Variants in MKRN1 observed in about 807,000 individuals in gnomAD.
MKRN1 encodes the protein makorin ring finger protein 1, also known as E3 ubiquitin-protein ligase makorin-1.
Under a neutral mutation model 55.5 loss-of-function variants are expected in MKRN1, and 9 were observed. The observed-to-expected ratio is 0.16, with a 90% CI of 0.10 to 0.28. The LOEUF (loss-of-function observed/expected upper bound fraction) is 0.28, where lower values mean the gene tolerates loss of function less well. Ranked by LOEUF, MKRN1 falls within the 10% of genes least tolerant of loss-of-function variation. The pLI is 1.00. For synonymous variants in MKRN1, 253 were observed against 235.9 expected, an observed-to-expected ratio of 1.07 and a Z score of -0.66; for missense variants, 488 against 626.7, an observed-to-expected ratio of 0.78 and a Z score of 2.36.
At chr7:140,455,634 T>C (rs917388069) in intron 6 of MKRN1, 156 bp downstream of exon 6, 4 of 632,418 alleles carry the variant, frequency 6.3e-6, no homozygotes, top group Non-Finnish European at 1.1e-5. Context: ...TAGCAAGATA[T>C]ATACTGGATG....
At chr7:140,460,826 A>C (rs1794597244) in intron 2 of MKRN1, among the ~76,000 whole-genome samples, 1 of 152,236 alleles carries the variant, frequency 6.6e-6, no homozygotes, top group African/African-American at 2.4e-5. Flanking sequence ...TCATACAATC[A>C]ACATCACAAC....
chr7:140,468,024 C>T (rs527861804), intron 2 of MKRN1, among the ~76,000 whole-genome samples: 16 of 125,418 alleles, frequency 1.3e-4, no homozygotes, highest in Non-Finnish European at 2.2e-4. Context: ...AAAAAAAATG[C>T]AGAGGCTTAG....
intron 1 of MKRN1, 72 bp downstream of exon 1, chr7:140,479,088 C>T: frequency 8.0e-7 from 1 of 1,251,832 alleles, no homozygotes; most frequent in South Asian, 3.2e-5. Context: ...GGCCGCCCTC[C>T]TCCCTCCCGC....
At chr7:140,455,048 C>A (rs377415065) in intron 7 of MKRN1, 47 bp downstream of exon 7, 3 of 1,608,482 alleles carry the variant, frequency 1.9e-6, no homozygotes, top group Non-Finnish European at 2.5e-6. Flanking sequence ...CAGGACTCAA[C>A]TGATACCTTG....
chr7:140,460,046 C>T (rs1003619185), intron 2 of MKRN1, 110 bp from the exon 3 acceptor site: 4 of 921,778 alleles, frequency 4.3e-6, no homozygotes, highest in South Asian at 3.1e-5. Context: ...GTTGGGAGTT[C>T]GAGACCAGCC....
At chr7:140,475,572 G>A (rs1325081886) in intron 1 of MKRN1, among the ~76,000 whole-genome samples, 1 of 152,162 alleles carries the variant, frequency 6.6e-6, no homozygotes, top group African/African-American at 2.4e-5. Flanking sequence ...GTTCAAGCAG[G>A]AGGATTGCTT....
Position 140,479,265 on chromosome 7 carries a change from G to T in MKRN1, c.80C>A (p.Ser27Tyr), listed in dbSNP as rs765951978. 3 of 1,399,218 alleles carry T rather than the reference G, an allele frequency of 2.1e-6. No individual in the cohort carries two copies. Among genetic ancestry groups the T allele is most frequent in the East Asian group, 6.1e-5 (2 of 32,808 alleles). The allele number at this position is 1,399,218 out of a possible 1,614,324, so 86.7% of individuals were successfully genotyped here. Reference protein sequence around the residue: ...GAAAATAAAASPTPIPTVTAP... With the variant: ...GAAAATAAAAYPTPIPTVTAP... ...GGTGACTGTGGGGATCGGGGTGGGG[G>T]AGGCTGCTGCCGCCGTCGCCGCTGC... The change falls in exon 1 of 8, where the codon TCC becomes TAC. Residue 27 changes from serine to tyrosine, a missense_variant. Physicochemically the swap from Ser to Tyr is moderately radical, Grantham distance 144. This residue lies in a region of MKRN1 where 210 missense variants were observed against 220.0 expected (regional missense o/e 0.95). Coordinates refer to ENST00000255977, the MANE Select transcript of MKRN1 (RefSeq NM_013446.4).
At chr7:140,477,508 G>C (rs911748394) in intron 1 of MKRN1, among the ~76,000 whole-genome samples, 2 of 152,112 alleles carry the variant, frequency 1.3e-5, no homozygotes, top group Admixed American at 1.3e-4. Flanking sequence ...ATTTTCAGTA[G>C]AGACGGGGTT....
intron 2 of MKRN1, among the ~76,000 whole-genome samples, chr7:140,469,983 G>C (rs1794876113): frequency 6.6e-6 from 1 of 150,758 alleles, no homozygotes; most frequent in African/African-American, 2.4e-5. Context: ...GGGAGGTGGA[G>C]GTTGCAGTGA....
intron 2 of MKRN1, among the ~76,000 whole-genome samples, chr7:140,464,443 C>A (rs958537152): frequency 3.3e-5 from 5 of 151,970 alleles, no homozygotes; most frequent in Non-Finnish European, 7.4e-5. Flanking sequence ...GTGGCTCACA[C>A]CTGTAATCCC....
intron 2 of MKRN1, among the ~76,000 whole-genome samples, chr7:140,468,517 A>G (rs1794832912): frequency 6.6e-6 from 1 of 151,818 alleles, no homozygotes; most frequent in African/African-American, 2.4e-5. Flanking sequence ...CCTGGCCAAC[A>G]TGGTGAAACC....
At position 140,454,049 on chromosome 7, in the gene MKRN1, G is replaced by C; in HGVS notation, c.*468C>G. 1 of 190,960 alleles carries C rather than the reference G, an allele frequency of 5.2e-6. No homozygotes were observed. Among genetic ancestry groups the C allele is most frequent in the South Asian group, 1.0e-4 (1 of 9,528 alleles). The allele number at this position is 190,960 out of a possible 1,614,324, so 11.8% of individuals were successfully genotyped here. A position where few individuals can be genotyped will look rare whatever the true frequency, so the allele number is the denominator to read the frequency against. On this transcript the variant is annotated 3_prime_UTR_variant, in exon 8 of 8. Coordinates refer to ENST00000255977, the MANE Select transcript of MKRN1 (RefSeq NM_013446.4). Reference sequence around the variant, plus strand: ...GGAACAGATATAAAAACACAGATGTGCAGATTTCACCAGAAACCTCAAGGA... The same window carrying C: ...GGAACAGATATAAAAACACAGATGTCCAGATTTCACCAGAAACCTCAAGGA...
At chr7:140,475,236 G>A (rs10262721) in intron 1 of MKRN1, 11,212 of 439,542 alleles carry the variant, frequency 0.026, 1,104 homozygotes, top group African/African-American at 0.21. Context: ...CCAGCTTCTC[G>A]GAAGGCTGAG....
In MKRN1 at chr7:140,454,504, C is replaced by G; in HGVS notation, c.*13G>C. On this transcript the variant is annotated 3_prime_UTR_variant, in exon 8 of 8. Coordinates refer to ENST00000255977, the MANE Select transcript of MKRN1 (RefSeq NM_013446.4). ...TGAGGTCAGCAGACCAGTTCACACG[C>G]CACGCAAGGTTGCTATAGATCCAAG... The G allele has an allele frequency of 1.2e-6, 2 of 1,608,150 alleles. No individual in the cohort carries two copies. Among genetic ancestry groups the G allele is most frequent in the Non-Finnish European group, 1.7e-6 (2 of 1,177,916 alleles).
chr7:140,479,282 C>CGCCGCT lies in MKRN1; in HGVS notation c.57_62dup (p.Ala20_Ala21dup), dbSNP rs1419586706. On this transcript the variant is annotated inframe_insertion, in exon 1 of 8. Coordinates refer to ENST00000255977, the MANE Select transcript of MKRN1 (RefSeq NM_013446.4). Reference sequence around the variant, plus strand: ...GGGTGGGGGAGGCTGCTGCCGCCGTCGCCGCTGCCGCTCCTGCTCCTGATG... The same window carrying CGCCGCT: ...GGGTGGGGGAGGCTGCTGCCGCCGTCGCCGCTGCCGCTGCCGCTCCTGCTCCTGATG... 1.4e-6 allele frequency: 2 copies of CGCCGCT among 1,387,946 alleles called. No individual in the cohort carries two copies. Among genetic ancestry groups the CGCCGCT allele is most frequent in the Non-Finnish European group, 1.9e-6 (2 of 1,070,882 alleles). 86.0% of individuals were successfully genotyped at this position (1,387,946 alleles called of 1,614,324 possible).
intron 1 of MKRN1, chr7:140,475,341 AAAACAAAC>A (rs139052285): frequency 5.8e-5 from 21 of 362,016 alleles, no homozygotes; most frequent in African/African-American, 2.8e-4. Flanking sequence ...TCCATCTCAG[AAAACAAAC>A]AAACAAACAA....
intron 1 of MKRN1, among the ~76,000 whole-genome samples, chr7:140,474,070 A>G (rs1172395309): frequency 6.7e-6 from 1 of 150,118 alleles, no homozygotes; most frequent in Non-Finnish European, 1.5e-5. Context: ...AGAAAGAATA[A>G]AAGACTGTAG....
intron 1 of MKRN1, among the ~76,000 whole-genome samples, chr7:140,477,190 C>T (rs919003511): frequency 2.6e-5 from 4 of 151,514 alleles, no homozygotes; most frequent in African/African-American, 7.3e-5. Flanking sequence ...CCTAGAACAA[C>T]CGAAAACAAT....
intron 2 of MKRN1, among the ~76,000 whole-genome samples, chr7:140,466,620 A>C (rs924391839): frequency 1.3e-5 from 2 of 151,408 alleles, no homozygotes; most frequent in African/African-American, 4.8e-5. Flanking sequence ...CTGGCTAACA[A>C]GGTGAAACCC....
Sources: allele counts gnomAD v4.1 joint callset (sites outside exome capture counted in the v4.1 genomes callset), GRCh38; gene constraint gnomAD v4.1.1; regional missense constraint gnomAD v4.1.1; transcripts MANE v1.5; gene names NCBI Gene and HGNC (gene_info 2026-07-23, HGNC 2026-07-21).